The following CHD3 variants were observed in gnomAD, a reference collection of about 807,000 sequenced individuals.
The protein encoded by CHD3 is chromodomain helicase DNA binding protein 3, also known as ATP-dependent chromatin remodeler CHD3.
CHD3 carries 52 observed loss-of-function variants against 248.9 expected under a neutral mutation model. That is an observed-to-expected ratio of 0.21 (90% CI 0.17 to 0.26). CHD3 has a LOEUF of 0.26. Among genes scored for constraint, CHD3 ranks in the 10% least tolerant of loss-of-function variants. CHD3 has a pLI of 1.00. For missense variants in CHD3, 1,482 were observed against 2,605.8 expected (o/e 0.57, Z 9.39); for synonymous variants, 985 against 985.2 (o/e 1.00, Z 0.00).
In CHD3 at chr17:7,903,215, G is replaced by C; in HGVS notation, c.3496-57G>C. ...CTTCTTTCCTGAGGCAGCTCTATGGGCAGCTTCTCCCCGGCCACTCCCCTG... is the reference window on the plus strand; with the variant it reads ...CTTCTTTCCTGAGGCAGCTCTATGGCCAGCTTCTCCCCGGCCACTCCCCTG... On this transcript the variant is annotated intron_variant, in intron 22 of 39. Transcript: ENST00000330494. This position sits in a 1 kb window ranked among gnomAD's most constrained non-coding sequence, Gnocchi z 6.8. 1 of 1,586,800 alleles carries C rather than the reference G, an allele frequency of 6.3e-7. No homozygotes were observed. The highest frequency in any genetic ancestry group is 8.6e-7 in the Non-Finnish European group (1 of 1,158,766).
Position 7,910,955 on chromosome 17 carries a change from G to T in CHD3, c.5863G>T (p.Ala1955Ser). 6.2e-7 allele frequency: 1 copy of T among 1,613,218 alleles called. No homozygotes were observed. The highest frequency in any genetic ancestry group is 1.1e-5 in the South Asian group (1 of 91,010). ...AAGANYSQMP[A>S]GSFITAATNG... The stretch of plus-strand genomic sequence containing the variant: ...AGGCGCCAATTACAGCCAGATGCCT[G>T]CAGGGTCCTTCATCACAGGTCAGCT... Residue 1955 changes from alanine (A) to serine (S), a missense_variant, in exon 39 of 40, where the codon GCA (alanine) becomes TCA (serine). Ala to Ser is a moderately conservative substitution (Grantham distance 99, BLOSUM62 1). Transcript: ENST00000330494. The surrounding 1 kb of genome is among the most constrained non-coding windows in gnomAD (Gnocchi z 4.7).
chr17:7,901,503 AGT>A, intron 20 of CHD3, 128 bp downstream of exon 20: 116 of 279,396 alleles, frequency 4.2e-4, no homozygotes, highest in Middle Eastern at 6.8e-4. Flanking sequence ...CTCCTGTAAG[AGT>A]TTTTTTTTTT....
rs764894953 is a variant in CHD3 at position 7,907,445 on chromosome 17, G to A, written c.4881G>A (p.Glu1627=). ...ATGAGGTGCCAGGGGTGCCTGGAGAGATGGAGCCTGAACCTGGGTACCGTG... is the reference window on the plus strand; with the variant it reads ...ATGAGGTGCCAGGGGTGCCTGGAGAAATGGAGCCTGAACCTGGGTACCGTG... ...LEDEVPGVPG[E]MEPEPGYRGD... is the part of the protein sequence containing the mutation. The change falls in exon 32 of 40, where the codon GAG becomes GAA. Residue 1627 remains glutamate (E), a synonymous_variant. Coordinates refer to ENST00000330494, the MANE Select transcript of CHD3 (RefSeq NM_001005273.3). The surrounding 1 kb of genome is among the most constrained non-coding windows in gnomAD (Gnocchi z 4.3). The A allele has an allele frequency of 2.5e-6, 4 of 1,610,240 alleles. No homozygotes were observed. In the African/African-American group the frequency reaches 4.0e-5, roughly 16 times the overall value.
rs371956540 is a variant in CHD3 at position 7,895,323 on chromosome 17, C to T, written c.1504-16C>T. On this transcript the variant is annotated splice_polypyrimidine_tract_variant and intron_variant, in intron 9 of 39. Coordinates refer to ENST00000330494, the MANE Select transcript of CHD3 (RefSeq NM_001005273.3). This position sits in a 1 kb window ranked among gnomAD's most constrained non-coding sequence, Gnocchi z 4.9. ...GCCTCTTTCTTTCCTCCTCCTTGTACGTGTCCATCCCAAAGTGCCCCGTGC... is the reference window on the plus strand; with the variant it reads ...GCCTCTTTCTTTCCTCCTCCTTGTATGTGTCCATCCCAAAGTGCCCCGTGC... The T allele has an allele frequency of 3.0e-5, 49 of 1,613,556 alleles. No homozygotes were observed. The African/African-American group carries it at 3.3e-4, about 11-fold the overall frequency.
intron 3 of CHD3, 42 bp from the exon 4 acceptor site, chr17:7,890,898 G>C: frequency 6.2e-7 from 1 of 1,612,680 alleles, no homozygotes; most frequent in Non-Finnish European, 8.5e-7. Flanking sequence ...CTGGAATAGG[G>C]GCTGGAGGAG....
At position 7,910,029 on chromosome 17, in the gene CHD3, C is replaced by T. The variant is rs1971455568; in HGVS notation, c.5591-399C>T. 3.3e-6 allele frequency: 1 copy of T among 307,418 alleles called. No individual in the cohort carries two copies. The highest frequency in any genetic ancestry group is 6.2e-6 in the Non-Finnish European group (1 of 160,646). 19.0% of individuals were successfully genotyped at this position (307,418 alleles called of 1,614,324 possible). On this transcript the variant is annotated intron_variant, in intron 37 of 39. Coordinates refer to ENST00000330494, the MANE Select transcript of CHD3 (RefSeq NM_001005273.3). The surrounding 1 kb of genome is among the most constrained non-coding windows in gnomAD (Gnocchi z 4.7). ...TAAAGCTTTGACACTTACCACCTCCCATGCCTCCTGACTATTTCCTCCCCA... is the reference window on the plus strand; with the variant it reads ...TAAAGCTTTGACACTTACCACCTCCTATGCCTCCTGACTATTTCCTCCCCA...
rs529942370 is a variant in CHD3 at position 7,891,267 on chromosome 17, C to T, written c.509+203C>T. Among the ~76,000 whole-genome samples, 3 of 152,194 alleles carry T rather than the reference C, an allele frequency of 2.0e-5. No homozygotes were observed. In the South Asian group the frequency reaches 6.2e-4, roughly 32 times the overall value. On this transcript the variant is annotated intron_variant, in intron 4 of 39. Transcript: ENST00000330494. ...CAGTTGAGAACTCTTCACTGAGGGG[C>T]GAGGGGTGGAGGGGCCATCATGATT...
At position 7,895,196 on chromosome 17, in the gene CHD3, C is replaced by T. The variant is rs777959330; in HGVS notation, c.1503+46C>T. Reference sequence around the variant, plus strand: ...TCTGTATTTACTGTCAGGCCTGATCCCTTCCCCCATCCCTGGGGCCCACAT... The same window carrying T: ...TCTGTATTTACTGTCAGGCCTGATCTCTTCCCCCATCCCTGGGGCCCACAT... On this transcript the variant is annotated intron_variant, in intron 9 of 39. Coordinates refer to ENST00000330494, the MANE Select transcript of CHD3 (RefSeq NM_001005273.3). The surrounding 1 kb of genome is among the most constrained non-coding windows in gnomAD (Gnocchi z 4.9). The T allele has an allele frequency of 4.4e-6, 7 of 1,596,198 alleles. No homozygotes were observed. The highest frequency in any genetic ancestry group is 3.3e-4 in the Middle Eastern group (2 of 5,980).
rs1969459644 is a variant in CHD3, at chr17:7,895,099, C to T, written c.1452C>T (p.Asn484=). The T allele has an allele frequency of 1.2e-6, 2 of 1,613,996 alleles. No homozygotes were observed. The highest frequency in any genetic ancestry group is 1.1e-5 in the South Asian group (1 of 91,088). The part of the protein sequence containing the change: ...CISSYHIHCL[N]PPLPDIPNGE... ...CCTCCTACCACATTCATTGTCTAAA[C>T]CCTCCCCTGCCTGACATTCCCAATG... Residue 484 remains asparagine (N), a synonymous_variant, in exon 9 of 40, where the codon AAC becomes AAT. Coordinates refer to ENST00000330494, the MANE Select transcript of CHD3 (RefSeq NM_001005273.3). This position sits in a 1 kb window ranked among gnomAD's most constrained non-coding sequence, Gnocchi z 4.9.
At position 7,890,708 on chromosome 17, in the gene CHD3, G is replaced by A. The variant is rs751546224; in HGVS notation, c.351G>A (p.Arg117=). The change falls in exon 3 of 40, where the codon CGG becomes CGA. Residue 117 remains arginine (R), a synonymous_variant. Transcript: ENST00000330494. ...AAAAAAAGGAGAAGAAGACAAAGCGGCGGAAAAAGGGGGAGGGAGATGGGG... is the reference window on the plus strand; with the variant it reads ...AAAAAAAGGAGAAGAAGACAAAGCGACGGAAAAAGGGGGAGGGAGATGGGG... The part of the protein sequence containing the change: ...HREKKEKKTK[R]RKKGEGDGGQ... 8 of 1,582,842 alleles carry A rather than the reference G, an allele frequency of 5.1e-6. No individual in the cohort carries two copies. The South Asian group carries it at 7.9e-5, about 16-fold the overall frequency.
At position 7,905,599 on chromosome 17, in the gene CHD3, C is replaced by G; in HGVS notation, c.4139-22C>G. 1 of 1,554,282 alleles carries G rather than the reference C, an allele frequency of 6.4e-7. No homozygotes were observed. The highest frequency in any genetic ancestry group is 8.7e-7 in the Non-Finnish European group (1 of 1,146,660). On this transcript the variant is annotated intron_variant, in intron 26 of 39. Transcript: ENST00000330494. This position sits in a 1 kb window ranked among gnomAD's most constrained non-coding sequence, Gnocchi z 5.8. ...TTAGAGGAGGTGGTGGCTCAGCTAA[C>G]TGATGTCATCCCCACCCTCAGGGCG...
chr17:7,911,430 G>A lies in CHD3; in HGVS notation c.5882-34G>A. On this transcript the variant is annotated intron_variant, in intron 39 of 39. Coordinates refer to ENST00000330494, the MANE Select transcript of CHD3 (RefSeq NM_001005273.3). The surrounding 1 kb of genome is among the most constrained non-coding windows in gnomAD (Gnocchi z 5.4). ...TGAAGTGACGTTTGAGAGTGATCTG[G>A]AGATTGATCTTTCCTTACCCCTTTC... 6.2e-7 allele frequency: 1 copy of A among 1,613,962 alleles called. No individual in the cohort carries two copies. The highest frequency in any genetic ancestry group is 8.5e-7 in the Non-Finnish European group (1 of 1,179,924).
At position 7,899,065 on chromosome 17, in the gene CHD3, C is replaced by T. The variant is rs1343196466; in HGVS notation, c.2206C>T (p.Leu736=). Residue 736 remains leucine, a synonymous_variant, in exon 14 of 40, where the codon CTG becomes TTG. Coordinates refer to ENST00000330494, the MANE Select transcript of CHD3 (RefSeq NM_001005273.3). The surrounding 1 kb of genome is among the most constrained non-coding windows in gnomAD (Gnocchi z 6.8). ...GTTTATCACAGCCACTGGAGGCACC[C>T]TGCACATGTATCAGTTGGAAGGGCT... ...PRFITATGGT[L]HMYQLEGLNW... The T allele has an allele frequency of 2.5e-6, 4 of 1,614,052 alleles. No homozygotes were observed. Among genetic ancestry groups the T allele is most frequent in the East Asian group, 4.5e-5 (2 of 44,900 alleles).
Position 7,909,480 on chromosome 17 carries a change from G to A in CHD3, c.5590+142G>A, listed in dbSNP as rs181367150. ...TCTGACCTCTAACCCCACTCCTACC[G>A]ACCTGGCACCCCCTTGGATTTTAGC... On this transcript the variant is annotated intron_variant, in intron 37 of 39. Transcript: ENST00000330494. The surrounding 1 kb of genome is among the most constrained non-coding windows in gnomAD (Gnocchi z 8.1). 373 of 1,173,090 alleles carry A rather than the reference G, an allele frequency of 3.2e-4. No homozygotes were observed. Among genetic ancestry groups the A allele is most frequent in the Middle Eastern group, 5.9e-4 (2 of 3,382 alleles). 72.7% of individuals were successfully genotyped at this position (1,173,090 alleles called of 1,614,324 possible). A position where few individuals can be genotyped will look rare whatever the true frequency, so the allele number is the denominator to read the frequency against.
chr17:7,903,248 C>A lies in CHD3; in HGVS notation c.3496-24C>A. 1.2e-6 allele frequency: 2 copies of A among 1,610,162 alleles called. No homozygotes were observed. The highest frequency in any genetic ancestry group is 1.7e-6 in the Non-Finnish European group (2 of 1,177,298). On this transcript the variant is annotated intron_variant, in intron 22 of 39. Transcript: ENST00000330494. This position sits in a 1 kb window ranked among gnomAD's most constrained non-coding sequence, Gnocchi z 6.8. ...TCCCCGGCCACTCCCCTGACCCACC[C>A]GCCACTTTCTCTTGCCCCTGCAGGC... is the stretch of plus-strand genomic sequence containing the variant.
chr17:7,900,553 C>T lies in CHD3; in HGVS notation c.2805-5C>T. The T allele has an allele frequency of 6.2e-7, 1 of 1,612,694 alleles. No homozygotes were observed. The highest frequency in any genetic ancestry group is 2.2e-5 in the East Asian group (1 of 44,838). On this transcript the variant is annotated splice_polypyrimidine_tract_variant and splice_region_variant and intron_variant, in intron 17 of 39. Coordinates refer to ENST00000330494, the MANE Select transcript of CHD3 (RefSeq NM_001005273.3). The surrounding 1 kb of genome is among the most constrained non-coding windows in gnomAD (Gnocchi z 6.5). Reference sequence around the variant, plus strand: ...CTGTTAATTTTCTTCTCTTCTGGCTCTTAGCAACTTGGAGGGCTTCCTGGA... The same window carrying T: ...CTGTTAATTTTCTTCTCTTCTGGCTTTTAGCAACTTGGAGGGCTTCCTGGA...
rs573962893 is a variant in CHD3, at chr17:7,894,111, G to A, written c.925-4G>A. 3.9e-5 allele frequency: 63 copies of A among 1,604,218 alleles called. No homozygotes were observed. The highest frequency in any genetic ancestry group is 5.3e-5 in the Non-Finnish European group (62 of 1,174,024). On this transcript the variant is annotated splice_polypyrimidine_tract_variant and splice_region_variant and intron_variant, in intron 6 of 39. Transcript: ENST00000330494. ...CTCACTGACGGCCACGGGGCTATGG[G>A]CAGTATGTTTTTCAGAGCGACGAAG...
rs1396807491 is a variant in CHD3, at chr17:7,904,634, A to G, written c.4072+15A>G. ...GGAAGACCAAGGTGAGGACTGCCCC[A>G]GATGCAGGCAGTAAAGGGGGGAAGT... On this transcript the variant is annotated intron_variant, in intron 25 of 39. Transcript: ENST00000330494. This position sits in a 1 kb window ranked among gnomAD's most constrained non-coding sequence, Gnocchi z 4.4. The G allele has an allele frequency of 6.2e-7, 1 of 1,606,916 alleles. No homozygotes were observed. Among genetic ancestry groups the G allele is most frequent in the African/African-American group, 1.3e-5 (1 of 74,800 alleles).
intron 20 of CHD3, among the ~76,000 whole-genome samples, chr17:7,902,109 C>T (rs1241259130): frequency 6.6e-6 from 1 of 152,040 alleles, no homozygotes; most frequent in Non-Finnish European, 1.5e-5. Context: ...TTAGGAGAAA[C>T]AATCTTAAAT....
Sources: gnomAD v4.1 joint callset for allele counts (sites outside exome capture counted in the v4.1 genomes callset) on GRCh38, gnomAD v4.1.1 for gene constraint, Gnocchi (gnomAD v3.1) non-coding constraint, MANE v1.5 for transcripts, NCBI Gene and HGNC (gene_info 2026-07-23, HGNC 2026-07-21) for gene names.